PRKCH: variants seen among roughly 807,000 people sequenced by gnomAD.
The protein encoded by PRKCH is protein kinase C eta type.
Under a neutral mutation model 82.5 loss-of-function variants are expected in PRKCH, and 28 were observed. The observed-to-expected ratio is 0.34, with a 90% CI of 0.25 to 0.47. The LOEUF (loss-of-function observed/expected upper bound fraction) is 0.47. Ranked by LOEUF, PRKCH falls within the 20% of genes least tolerant of loss-of-function variation. The pLI is 1.00. For missense variants in PRKCH, 705 were observed against 881.8 expected, an observed-to-expected ratio of 0.80 and a Z score of 2.54; for synonymous variants, 322 against 327.4, an observed-to-expected ratio of 0.98 and a Z score of 0.18.
intron 10 of PRKCH, among the ~76,000 whole-genome samples, chr14:61,526,801 C>T (rs925928779): frequency 2.6e-5 from 4 of 152,262 alleles, no homozygotes; most frequent in African/African-American, 7.2e-5. Flanking sequence ...GGGCTCCAGG[C>T]GGCCCAAGGC....
intron 10 of PRKCH, among the ~76,000 whole-genome samples, chr14:61,512,773 T>G (rs889422463): frequency 6.6e-6 from 1 of 152,172 alleles, no homozygotes; most frequent in Non-Finnish European, 1.5e-5. Context: ...AGTCACTGGC[T>G]TTTGTACCTA....
In PRKCH at chr14:61,387,652, A is replaced by G. The variant is rs141856538; in HGVS notation, c.364-3573A>G. ...AATGATAACAGCCCATCAGCAGTGTATAGAAGGAACAAATAACCTCCAAAG... is the reference window on the plus strand; with the variant it reads ...AATGATAACAGCCCATCAGCAGTGTGTAGAAGGAACAAATAACCTCCAAAG... On this transcript the variant is annotated intron_variant, in intron 1 of 13. Coordinates refer to ENST00000332981, the MANE Select transcript of PRKCH (RefSeq NM_006255.5). Among the ~76,000 whole-genome samples, 612 of 152,330 alleles carry G rather than the reference A, an allele frequency of 4.0e-3. 4 individuals are homozygous for G. The highest frequency in any genetic ancestry group is 0.014 in the African/African-American group (581 of 41,570).
At chr14:61,360,641 A>G (rs535196208) in intron 1 of PRKCH, among the ~76,000 whole-genome samples, 1 of 152,382 alleles carries the variant, frequency 6.6e-6, no homozygotes, top group Non-Finnish European at 1.5e-5. Context: ...GTTGGATAAT[A>G]TAAAAACACT....
At chr14:61,309,766 A>T (rs2045507224) in intron 1 of PRKCH, among the ~76,000 whole-genome samples, 1 of 152,200 alleles carries the variant, frequency 6.6e-6, no homozygotes, top group South Asian at 2.1e-4. Context: ...TCTAGAACTA[A>T]AATTATGTTG....
chr14:61,546,477 A>G (rs1566938296), intron 12 of PRKCH, among the ~76,000 whole-genome samples: 1 of 152,246 alleles, frequency 6.6e-6, no homozygotes, highest in Non-Finnish European at 1.5e-5. Context: ...TACAAGGTAT[A>G]TCCCGTCAGG....
intron 5 of PRKCH, 47 bp downstream of exon 5, chr14:61,449,299 A>G: frequency 6.6e-7 from 1 of 1,505,862 alleles, no homozygotes; most frequent in Non-Finnish European, 9.2e-7. Flanking sequence ...TGTATTGTGT[A>G]TGCTGTGTAC....
chr14:61,280,013 T>A lies in PRKCH; in HGVS notation c.-19+92345T>A. The A allele has an allele frequency of 1.6e-6, 2 of 1,272,108 alleles. No homozygotes were observed. The highest frequency in any genetic ancestry group is 2.1e-6 in the Non-Finnish European group (2 of 930,500). The allele number at this position is 1,272,108 out of a possible 1,614,324, so 78.8% of individuals were successfully genotyped here. ...AAAGCTAGGCGAGGTTGGAATTGGGTGACGGGCGAGGAGGAGATGCCAAAA... is the reference window on the plus strand; with the variant it reads ...AAAGCTAGGCGAGGTTGGAATTGGGAGACGGGCGAGGAGGAGATGCCAAAA... On this transcript the variant is annotated intron_variant, in intron 1 of 3. Coordinates refer to the PRKCH transcript ENST00000555185. This position sits in a 1 kb window ranked among gnomAD's most constrained non-coding sequence, Gnocchi z 5.0.
At chr14:61,536,081 G>C (rs1354196220) in intron 12 of PRKCH, among the ~76,000 whole-genome samples, 1 of 152,146 alleles carries the variant, frequency 6.6e-6, no homozygotes, top group African/African-American at 2.4e-5. Context: ...TATACAGAAA[G>C]AGCTAATGAT....
chr14:61,541,398 C>G (rs754832618), intron 12 of PRKCH, among the ~76,000 whole-genome samples: 1 of 152,222 alleles, frequency 6.6e-6, no homozygotes, highest in East Asian at 1.9e-4. Flanking sequence ...CTTTCTCTGC[C>G]CTTTCTCCCC....
chr14:61,490,282 G>A (rs17098533), intron 10 of PRKCH, among the ~76,000 whole-genome samples: 1 of 152,066 alleles, frequency 6.6e-6, no homozygotes, highest in African/African-American at 2.4e-5. Context: ...CGTGGCACAT[G>A]AACTTTTCAA....
At chr14:61,493,611 A>G (rs1886546245) in intron 10 of PRKCH, among the ~76,000 whole-genome samples, 1 of 152,230 alleles carries the variant, frequency 6.6e-6, no homozygotes, top group Admixed American at 6.5e-5. Context: ...GCAGTGTCAG[A>G]CACAAATTCC....
intron 9 of PRKCH, among the ~76,000 whole-genome samples, chr14:61,471,874 G>T (rs1306486024): frequency 1.3e-5 from 2 of 152,128 alleles, no homozygotes; most frequent in African/African-American, 2.4e-5. Flanking sequence ...ACTGTCAGGT[G>T]ATTGTCTTTG....
At chr14:61,295,864 C>CT (rs762633813) in intron 1 of PRKCH, among the ~76,000 whole-genome samples, 255 of 150,198 alleles carry the variant, frequency 1.7e-3, no homozygotes, top group African/African-American at 5.6e-3. Context: ...TATTTTCACC[C>CT]TTTTTTTTTT....
At chr14:61,455,992 G>A (rs1884748565) in intron 7 of PRKCH, among the ~76,000 whole-genome samples, 1 of 152,192 alleles carries the variant, frequency 6.6e-6, no homozygotes, top group Non-Finnish European at 1.5e-5. Context: ...TAAGTTGGCT[G>A]TGTATCAGAA....
intron 1 of PRKCH, among the ~76,000 whole-genome samples, chr14:61,223,210 G>A (rs766474830): frequency 2.8e-4 from 42 of 152,270 alleles, no homozygotes; most frequent in Non-Finnish European, 3.5e-4. Flanking sequence ...CCAGGTAGAG[G>A]GAGAAGGAAT....
intron 1 of PRKCH, among the ~76,000 whole-genome samples, chr14:61,219,563 G>C (rs2044639804): frequency 6.6e-6 from 1 of 152,136 alleles, no homozygotes; most frequent in Non-Finnish European, 1.5e-5. Flanking sequence ...CTGTCAGTGT[G>C]TACCATCCTA....
intron 1 of PRKCH, among the ~76,000 whole-genome samples, chr14:61,211,913 A>G (rs1347527512): frequency 6.6e-6 from 1 of 152,236 alleles, no homozygotes; most frequent in Non-Finnish European, 1.5e-5. Flanking sequence ...GAGGGCAGTT[A>G]TTATAACTGG....
chr14:61,200,388 A>AGTGAGTGT (rs2044471112), intron 1 of PRKCH, among the ~76,000 whole-genome samples: 1 of 142,416 alleles, frequency 7.0e-6, no homozygotes, highest in African/African-American at 3.0e-5. Context: ...TGAGTGAGTG[A>AGTGAGTGT]GTGTGTGTGT....
At chr14:61,244,813 C>G (rs1004645037) in intron 1 of PRKCH, among the ~76,000 whole-genome samples, 5 of 152,164 alleles carry the variant, frequency 3.3e-5, no homozygotes, top group Admixed American at 3.3e-4. Context: ...ACTTTATATA[C>G]CCCCGAATAC....
Sources: gnomAD v4.1 joint callset for allele counts (sites outside exome capture counted in the v4.1 genomes callset) on GRCh38, gnomAD v4.1.1 for gene constraint, Gnocchi (gnomAD v3.1) non-coding constraint, MANE v1.5 for transcripts, NCBI Gene and HGNC (gene_info 2026-07-23, HGNC 2026-07-21) for gene names.